The following AGBL4 variants were observed in gnomAD, a reference collection of about 807,000 sequenced individuals.
AGBL4 encodes cytosolic carboxypeptidase 6.
Under a neutral mutation model 66.4 loss-of-function variants are expected in AGBL4, and 58 were observed. The observed-to-expected ratio is 0.87, with a 90% CI of 0.71 to 1.09. AGBL4 has a LOEUF of 1.09. AGBL4 is among the 50% of genes least tolerant of loss of function. The pLI is 0.00. For synonymous variants in AGBL4, 234 were observed against 222.9 expected (o/e 1.05, Z -0.44); for missense variants, 579 against 631.0 (o/e 0.92, Z 0.88).
At chr1:49,271,875 A>C (rs1644068446) in intron 3 of AGBL4, among the ~76,000 whole-genome samples, 1 of 152,118 alleles carries the variant, frequency 6.6e-6, no homozygotes, top group Admixed American at 6.6e-5. Context: ...CTCAGGTCTA[A>C]AACTCTGCTG....
chr1:49,085,254 C>A (rs1001015799), intron 4 of AGBL4, among the ~76,000 whole-genome samples: 1 of 143,852 alleles, frequency 7.0e-6, no homozygotes, highest in Non-Finnish European at 1.5e-5. Context: ...CGGATTTAGA[C>A]TGGGACTTTC....
In AGBL4 at chr1:49,245,257, T is replaced by TACACACAC. The variant is rs139244286; in HGVS notation, c.377+505_377+512dup. ...CAATGGTACAAATAGAACTTTAAAA[T>TACACACAC]ACACACACACACACACACACACACA... is the stretch of plus-strand genomic sequence containing the variant. On this transcript the variant is annotated intron_variant, in intron 4 of 13. Transcript: ENST00000371839. Among the ~76,000 whole-genome samples, 88 of 139,146 alleles carry TACACACAC rather than the reference T, an allele frequency of 6.3e-4. 1 individual carries two copies. The highest frequency in any genetic ancestry group is 1.4e-3 in the African/African-American group (51 of 37,474). 91.3% of individuals were successfully genotyped at this position (139,146 alleles called of 152,430 possible).
Position 49,789,277 on chromosome 1 carries a change from A to G in AGBL4, c.157+62119T>C, listed in dbSNP as rs144772704. ...ATTGAGGATTTTTGCATCAATGTTC[A>G]TCAGGGATATTGGACTGAAGTTTTC... On this transcript the variant is annotated intron_variant, in intron 2 of 13. Coordinates refer to ENST00000371839, the MANE Select transcript of AGBL4 (RefSeq NM_032785.4). Among the ~76,000 whole-genome samples the G allele has an allele frequency of 3.5e-3, 532 of 152,250 alleles. 2 individuals carry two copies. Among genetic ancestry groups the G allele is most frequent in the African/African-American group, 0.012 (492 of 41,558 alleles).
chr1:49,890,824 A>C (rs2148166260), intron 1 of AGBL4, among the ~76,000 whole-genome samples: 1 of 152,324 alleles, frequency 6.6e-6, no homozygotes, highest in African/African-American at 2.4e-5. Flanking sequence ...TGACTCCCTA[A>C]ATGACTAGAT....
intron 1 of AGBL4, chr1:50,017,471 T>C (rs759439996): frequency 3.9e-5 from 6 of 152,100 alleles, no homozygotes; most frequent in East Asian, 1.9e-4. Context: ...CTCAATCAAA[T>C]ACAACTGCGA....
chr1:49,242,666 A>G (rs1276900950), intron 4 of AGBL4, among the ~76,000 whole-genome samples: 1 of 151,982 alleles, frequency 6.6e-6, no homozygotes, highest in African/African-American at 2.4e-5. Context: ...CTGATGCTAC[A>G]GAGCCCTAAC....
At chr1:48,659,659 A>G (rs1646075767) in intron 7 of AGBL4, among the ~76,000 whole-genome samples, 1 of 152,214 alleles carries the variant, frequency 6.6e-6, no homozygotes, top group Non-Finnish European at 1.5e-5. Context: ...AGCAGAGCTC[A>G]GCTAGTGACC....
chr1:49,095,678 A>G (rs1645083946), intron 4 of AGBL4, among the ~76,000 whole-genome samples: 1 of 152,028 alleles, frequency 6.6e-6, no homozygotes, highest in Non-Finnish European at 1.5e-5. Context: ...CACCTTATAC[A>G]AAAATCAATT....
chr1:49,333,500 A>T (rs1228138383), intron 3 of AGBL4, among the ~76,000 whole-genome samples: 2 of 152,140 alleles, frequency 1.3e-5, no homozygotes, highest in Non-Finnish European at 2.9e-5. Flanking sequence ...AAACAAACAA[A>T]CAAACAAAAA....
chr1:49,930,850 C>T (rs182857305), intron 1 of AGBL4, among the ~76,000 whole-genome samples: 7 of 152,126 alleles, frequency 4.6e-5, no homozygotes, highest in Non-Finnish European at 7.4e-5. Flanking sequence ...AGGAGCAAAC[C>T]AAGGATATCT....
At chr1:48,823,764 C>G (rs954602594) in intron 6 of AGBL4, among the ~76,000 whole-genome samples, 1 of 152,210 alleles carries the variant, frequency 6.6e-6, no homozygotes, top group African/African-American at 2.4e-5. Flanking sequence ...AAATATGGAA[C>G]AGAAGAGGTA....
intron 11 of AGBL4, among the ~76,000 whole-genome samples, chr1:48,582,661 G>A (rs1287175072): frequency 6.6e-6 from 1 of 152,204 alleles, no homozygotes; most frequent in Non-Finnish European, 1.5e-5. Context: ...AGTACCAGGA[G>A]AATGCAGATA....
At chr1:49,758,202 A>G (rs1652037665) in intron 2 of AGBL4, among the ~76,000 whole-genome samples, 1 of 152,206 alleles carries the variant, frequency 6.6e-6, no homozygotes, top group Non-Finnish European at 1.5e-5. Context: ...AGAACTGAGC[A>G]TTGGAACCTC....
intron 1 of AGBL4, among the ~76,000 whole-genome samples, chr1:49,956,447 CTG>C (rs1034879609): frequency 3.3e-5 from 5 of 151,798 alleles, no homozygotes; most frequent in Admixed American, 6.6e-5. Flanking sequence ...AAATTAATAA[CTG>C]TTTATTAAAT....
chr1:49,359,228 T>A (rs941587530), intron 3 of AGBL4, among the ~76,000 whole-genome samples: 1 of 152,138 alleles, frequency 6.6e-6, no homozygotes, highest in African/African-American at 2.4e-5. Flanking sequence ...GGCTACTGAA[T>A]AGGATTTAGT....
intron 2 of AGBL4, among the ~76,000 whole-genome samples, chr1:49,709,867 C>T (rs925789280): frequency 6.6e-6 from 1 of 152,068 alleles, no homozygotes. Context: ...GGGCATTAGA[C>T]AATGAATATC....
intron 4 of AGBL4, among the ~76,000 whole-genome samples, chr1:49,111,929 C>A (rs1311945389): frequency 6.6e-6 from 1 of 152,122 alleles, no homozygotes; most frequent in Admixed American, 6.5e-5. Flanking sequence ...TAATTTATTT[C>A]TATTTCTCCA....
chr1:48,927,494 G>A lies in AGBL4; in HGVS notation c.595-60264C>T, dbSNP rs530008139. Among the ~76,000 whole-genome samples, 8 of 152,214 alleles carry A rather than the reference G, an allele frequency of 5.3e-5. No individual in the cohort carries two copies. The South Asian group carries it at 1.7e-3, about 32-fold the overall frequency. The stretch of plus-strand genomic sequence containing the variant: ...GGAGCTACAATTCGAGATTTGGGTG[G>A]GGATACAGCTAAACCATATTTCACC... On this transcript the variant is annotated intron_variant, in intron 5 of 13. Transcript: ENST00000371839.
intron 2 of AGBL4, among the ~76,000 whole-genome samples, chr1:49,786,553 T>TC (rs1644459981): frequency 1.3e-5 from 2 of 152,152 alleles, no homozygotes; most frequent in African/African-American, 4.8e-5. Flanking sequence ...GCACCACCTT[T>TC]CATCTTTCTG....
Sources: allele counts gnomAD v4.1 joint callset (sites outside exome capture counted in the v4.1 genomes callset), GRCh38; gene constraint gnomAD v4.1.1; transcripts MANE v1.5; gene names NCBI Gene and HGNC (gene_info 2026-07-23, HGNC 2026-07-21).